The following HMCN1 variants were observed in gnomAD, a reference collection of about 807,000 sequenced individuals.
HMCN1 encodes the protein hemicentin 1, also known as hemicentin-1.
In HMCN1, 321 loss-of-function variants were observed where a neutral mutation model predicts 625.9. The observed-to-expected ratio is 0.51, with a 90% CI of 0.47 to 0.56. The LOEUF is 0.56. HMCN1 is among the 20% of genes least tolerant of loss of function. The probability of loss-of-function intolerance (pLI) is 0.00; values close to 1 mark genes in which losing one functional copy is unlikely to be tolerated. For synonymous variants in HMCN1, 2,425 were observed against 2,417.6 expected (o/e 1.00, Z -0.09); for missense variants, 6,588 against 6,887.3 (o/e 0.96, Z 1.54).
intron 1 of HMCN1, among the ~76,000 whole-genome samples, chr1:185,765,270 A>G (rs1202727163): frequency 2.0e-5 from 3 of 152,220 alleles, no homozygotes; most frequent in African/African-American, 7.2e-5. Flanking sequence ...GGTAAACTAA[A>G]GTTACAAAGA....
intron 11 of HMCN1, among the ~76,000 whole-genome samples, chr1:185,945,776 G>A (rs977981592): frequency 6.6e-6 from 1 of 152,170 alleles, no homozygotes; most frequent in Non-Finnish European, 1.5e-5. Flanking sequence ...CAGACACATG[G>A]GCTTGCTAAG....
intron 68 of HMCN1, among the ~76,000 whole-genome samples, chr1:186,100,391 T>G (rs1382908274): frequency 6.6e-6 from 1 of 152,108 alleles, no homozygotes; most frequent in Non-Finnish European, 1.5e-5. Context: ...TTTATTTAAT[T>G]CTATCCATGT....
At chr1:185,765,190 T>C (rs1167941916) in intron 1 of HMCN1, among the ~76,000 whole-genome samples, 1 of 152,088 alleles carries the variant, frequency 6.6e-6, no homozygotes, top group South Asian at 2.1e-4. Flanking sequence ...ACTCTTAAGA[T>C]TGGAAAGGAA....
intron 14 of HMCN1, among the ~76,000 whole-genome samples, chr1:185,967,764 A>T (rs1571633691): frequency 6.6e-6 from 1 of 152,262 alleles, no homozygotes; most frequent in East Asian, 1.9e-4. Context: ...ATGCTACCTT[A>T]TGGAAACCAT....
At chr1:185,763,415 T>C (rs1319917690) in intron 1 of HMCN1, among the ~76,000 whole-genome samples, 1 of 152,194 alleles carries the variant, frequency 6.6e-6, no homozygotes, top group Non-Finnish European at 1.5e-5. Flanking sequence ...CAAAATAAGC[T>C]GAAGTTAGAG....
intron 25 of HMCN1, 39 bp downstream of exon 25, chr1:185,997,563 T>C: frequency 1.4e-6 from 2 of 1,384,718 alleles, no homozygotes; most frequent in Non-Finnish European, 2.1e-6. Context: ...GGCATAATGT[T>C]ATATGGTTTC....
chr1:185,786,028 G>A (rs1657543422), intron 1 of HMCN1, among the ~76,000 whole-genome samples: 1 of 152,098 alleles, frequency 6.6e-6, no homozygotes, highest in South Asian at 2.1e-4. Context: ...ATTATTCTTT[G>A]TATGACTGAG....
At chr1:186,065,757 C>CT (rs1026717962) in intron 49 of HMCN1, among the ~76,000 whole-genome samples, 3 of 151,652 alleles carry the variant, frequency 2.0e-5, no homozygotes, top group Non-Finnish European at 4.4e-5. Flanking sequence ...ATATTCTATC[C>CT]TTTTTTTTGT....
intron 86 of HMCN1, among the ~76,000 whole-genome samples, chr1:186,133,036 T>TATCA (rs1662028828): frequency 6.6e-6 from 1 of 152,214 alleles, no homozygotes; most frequent in African/African-American, 2.4e-5. Flanking sequence ...TAATCCAGTC[T>TATCA]ATCATTGTTG....
intron 23 of HMCN1, among the ~76,000 whole-genome samples, chr1:185,994,351 A>G (rs551859928): frequency 6.6e-5 from 10 of 152,292 alleles, no homozygotes; most frequent in Non-Finnish European, 7.4e-5. Context: ...AGATTTCATG[A>G]GAAACTTTTC....
intron 30 of HMCN1, among the ~76,000 whole-genome samples, chr1:186,014,774 G>A (rs867663218): frequency 6.6e-6 from 1 of 152,060 alleles, no homozygotes; most frequent in South Asian, 2.1e-4. Context: ...TTGGGGAGAG[G>A]GCATACAGTT....
intron 20 of HMCN1, among the ~76,000 whole-genome samples, chr1:185,988,108 C>T (rs1463964536): frequency 6.6e-6 from 1 of 152,154 alleles, no homozygotes; most frequent in East Asian, 1.9e-4. Context: ...CACTAAAGGC[C>T]TTTTAAGGTT....
chr1:185,775,730 G>A (rs1000682410), intron 1 of HMCN1, among the ~76,000 whole-genome samples: 2 of 152,198 alleles, frequency 1.3e-5, no homozygotes, highest in African/African-American at 4.8e-5. Flanking sequence ...AATTGGGGAA[G>A]ACCTTCACAG....
At chr1:185,792,066 C>T (rs372931624) in intron 1 of HMCN1, among the ~76,000 whole-genome samples, 1 of 152,046 alleles carries the variant, frequency 6.6e-6, no homozygotes, top group Non-Finnish European at 1.5e-5. Flanking sequence ...AGAAACTCAC[C>T]GTCTGGAAAA....
chr1:186,060,732 T>G, intron 46 of HMCN1, among the ~76,000 whole-genome samples: 1 of 152,136 alleles, frequency 6.6e-6, no homozygotes, highest in East Asian at 1.9e-4. Flanking sequence ...CCTATCTTCC[T>G]TATATTAGGT....
chr1:185,851,697 G>A (rs1030707326), intron 2 of HMCN1, among the ~76,000 whole-genome samples: 5 of 152,146 alleles, frequency 3.3e-5, no homozygotes, highest in Middle Eastern at 3.4e-3. Context: ...TATAAAGCTT[G>A]TTGATTTTTA....
intron 15 of HMCN1, among the ~76,000 whole-genome samples, chr1:185,971,246 G>A (rs1650808482): frequency 1.3e-5 from 2 of 152,300 alleles, no homozygotes; most frequent in South Asian, 4.1e-4. Context: ...AAAGGTATCA[G>A]ATTGTGCTTT....
chr1:185,993,332 A>T, intron 23 of HMCN1, 23 bp downstream of exon 23: 1 of 1,611,556 alleles, frequency 6.2e-7, no homozygotes, highest in Non-Finnish European at 8.5e-7. Context: ...ATGAGAACAT[A>T]TGACAACCCT....
intron 2 of HMCN1, among the ~76,000 whole-genome samples, chr1:185,852,298 A>G (rs1459232709): frequency 2.0e-5 from 3 of 152,034 alleles, no homozygotes; most frequent in Non-Finnish European, 4.4e-5. Context: ...ATGCTATTGT[A>G]TAAAACTGTA....
Sources: allele counts gnomAD v4.1 joint callset (sites outside exome capture counted in the v4.1 genomes callset), GRCh38; gene constraint gnomAD v4.1.1; transcripts MANE v1.5; gene names NCBI Gene and HGNC (gene_info 2026-07-23, HGNC 2026-07-21).